Variants in KLF12 observed in about 807,000 individuals in gnomAD.
KLF12 encodes KLF transcription factor 12.
KLF12 carries 9 observed loss-of-function variants against 37.8 expected under a neutral mutation model. The observed-to-expected ratio is 0.24, with a 90% CI of 0.14 to 0.42. The LOEUF (loss-of-function observed/expected upper bound fraction) is 0.42, where lower values mean the gene tolerates loss of function less well. Ranked by LOEUF, KLF12 falls within the 10% of genes least tolerant of loss-of-function variation. KLF12 has a pLI of 1.00. For synonymous variants in KLF12, 208 were observed against 202.1 expected (o/e 1.03, Z -0.25); for missense variants, 411 against 516.0 (o/e 0.80, Z 1.97).
At chr13:73,934,367 C>T (rs952740402) in intron 3 of KLF12, among the ~76,000 whole-genome samples, 4 of 152,156 alleles carry the variant, frequency 2.6e-5, no homozygotes, top group African/African-American at 4.8e-5. Flanking sequence ...CCTGTGCTGT[C>T]GTTACTACTC....
At chr13:73,783,366 G>A (rs1270320003) in intron 5 of KLF12, among the ~76,000 whole-genome samples, 1 of 151,986 alleles carries the variant, frequency 6.6e-6, no homozygotes, top group Non-Finnish European at 1.5e-5. Flanking sequence ...TTCATTAATG[G>A]GTACAAACAA....
At chr13:74,130,246 A>C (rs1878185088) in intron 1 of KLF12, among the ~76,000 whole-genome samples, 1 of 152,240 alleles carries the variant, frequency 6.6e-6, no homozygotes, top group East Asian at 1.9e-4. Context: ...AAAAACAAGT[A>C]AGTGTGAGTT....
chr13:74,033,706 T>C (rs1893172132), intron 1 of KLF12, among the ~76,000 whole-genome samples: 1 of 152,242 alleles, frequency 6.6e-6, no homozygotes, highest in Non-Finnish European at 1.5e-5. Context: ...CACATTTTGA[T>C]TGCTTCGCAA....
At chr13:73,999,723 G>A (rs902449243) in intron 1 of KLF12, among the ~76,000 whole-genome samples, 2 of 152,060 alleles carry the variant, frequency 1.3e-5, no homozygotes. Context: ...CTGGGCAACA[G>A]AGGGAGACTC....
At chr13:73,802,933 G>GTACTAATAATA (rs1333593543) in intron 5 of KLF12, among the ~76,000 whole-genome samples, 5 of 152,024 alleles carry the variant, frequency 3.3e-5, no homozygotes, top group African/African-American at 4.8e-5. Flanking sequence ...ACACTAATAT[G>GTACTAATAATA]GACATTTTAT....
chr13:74,260,623 TAA>T, the KLF12 span, among the ~76,000 whole-genome samples: 31 of 115,386 alleles, frequency 2.7e-4, 2 homozygotes, highest in African/African-American at 1.6e-3. Context: ...TAAAATAAAA[TAA>T]AATAGTGAAT....
chr13:74,043,917 A>G (rs905455561), intron 1 of KLF12, among the ~76,000 whole-genome samples: 1 of 152,218 alleles, frequency 6.6e-6, no homozygotes, highest in Non-Finnish European at 1.5e-5. Context: ...TTCTGCATCT[A>G]TTCTTATTGC....
At chr13:74,258,137 G>C in the KLF12 span, 1 of 149,968 alleles carries the variant, frequency 6.7e-6, no homozygotes, top group South Asian at 2.1e-4. Context: ...CTTCAAAGTG[G>C]TTCATCTTGG....
chr13:74,165,436 T>A, the KLF12 span, among the ~76,000 whole-genome samples: 6 of 151,810 alleles, frequency 4.0e-5, no homozygotes, highest in Non-Finnish European at 8.8e-5. Flanking sequence ...GTAGCTGGGA[T>A]TACAGGTGCC....
intron 1 of KLF12, among the ~76,000 whole-genome samples, chr13:74,119,675 G>T (rs1195445832): frequency 6.6e-6 from 1 of 152,170 alleles, no homozygotes; most frequent in Non-Finnish European, 1.5e-5. Flanking sequence ...TTGAATAGAT[G>T]GGGGAGAGGT....
At chr13:74,009,996 C>G (rs796075801) in intron 1 of KLF12, among the ~76,000 whole-genome samples, 1 of 152,172 alleles carries the variant, frequency 6.6e-6, no homozygotes, top group African/African-American at 2.4e-5. Flanking sequence ...ATCACCCAGG[C>G]TGGAGTACAC....
At chr13:74,041,290 T>A (rs996607695) in intron 1 of KLF12, among the ~76,000 whole-genome samples, 1 of 152,220 alleles carries the variant, frequency 6.6e-6, no homozygotes. Context: ...TCATGTGCCC[T>A]GTAGTATAGT....
upstream of KLF12, among the ~76,000 whole-genome samples, chr13:74,135,472 G>A (rs1302102480): frequency 6.6e-6 from 1 of 151,918 alleles, no homozygotes; most frequent in Non-Finnish European, 1.5e-5. Context: ...GCGGGATTGT[G>A]GGGCGGGAGA....
At chr13:73,948,995 G>A (rs1163350081) in intron 2 of KLF12, among the ~76,000 whole-genome samples, 2 of 152,150 alleles carry the variant, frequency 1.3e-5, no homozygotes, top group Non-Finnish European at 2.9e-5. Flanking sequence ...CATGTGCCAA[G>A]AGCTGTGCAT....
At chr13:74,260,788 G>A in the KLF12 span, among the ~76,000 whole-genome samples, 5 of 151,762 alleles carry the variant, frequency 3.3e-5, no homozygotes, top group Non-Finnish European at 4.4e-5. Flanking sequence ...AAAAATTTGC[G>A]GGTATGTGTG....
intron 5 of KLF12, among the ~76,000 whole-genome samples, chr13:73,799,748 A>T (rs1435572501): frequency 6.6e-6 from 1 of 152,150 alleles, no homozygotes; most frequent in East Asian, 1.9e-4. Context: ...TATATTAGAA[A>T]AAGTGTCTCT....
rs548527026 is a variant in KLF12 at position 74,118,878 on chromosome 13, A to C, written c.-32+14861T>G. Reference sequence around the variant, plus strand: ...GAAAAAATAATGAAAGAAAAGATGTAGTACTTGAAAGATCCAGGAGACCAA... The same window carrying C: ...GAAAAAATAATGAAAGAAAAGATGTCGTACTTGAAAGATCCAGGAGACCAA... On this transcript the variant is annotated intron_variant, in intron 1 of 7. Transcript: ENST00000377669. 3.0e-3 allele frequency among the ~76,000 whole-genome samples: 462 copies of C among 152,306 alleles called. 5 individuals are homozygous for C. Among genetic ancestry groups the C allele is most frequent in the African/African-American group, 0.011 (447 of 41,558 alleles).
At chr13:73,830,950 A>G (rs1216306622) in intron 4 of KLF12, among the ~76,000 whole-genome samples, 4 of 151,854 alleles carry the variant, frequency 2.6e-5, no homozygotes, top group African/African-American at 9.7e-5. Context: ...CAGTACTATA[A>G]TATCAATATT....
intron 7 of KLF12, among the ~76,000 whole-genome samples, chr13:73,696,515 C>T (rs781675673): frequency 6.6e-6 from 1 of 152,144 alleles, no homozygotes; most frequent in Non-Finnish European, 1.5e-5. Flanking sequence ...CCCAGGTGTG[C>T]CATTTTCCTG....
Sources: allele counts gnomAD v4.1 joint callset (sites outside exome capture counted in the v4.1 genomes callset), GRCh38; gene constraint gnomAD v4.1.1; transcripts MANE v1.5; gene names NCBI Gene and HGNC (gene_info 2026-07-23, HGNC 2026-07-21).